The following LMF1 variants were observed in gnomAD, a reference collection of about 807,000 sequenced individuals.
LMF1 encodes transmembrane protein 112.
Under a neutral mutation model 60.6 loss-of-function variants are expected in LMF1, and 68 were observed. The ratio of observed to expected loss-of-function variants is 1.12; its 90% confidence interval spans 0.92 to 1.37. LMF1 has a LOEUF of 1.37. Ranked by LOEUF, LMF1 falls within the 40% of genes most tolerant of loss-of-function variation. The probability of loss-of-function intolerance (pLI) is 0.00; values close to 1 mark genes in which losing one functional copy is unlikely to be tolerated. For synonymous variants in LMF1, 418 were observed against 324.7 expected (o/e 1.29, Z -3.09); for missense variants, 948 against 767.2 (o/e 1.24, Z -2.78).
chr16:971,765 A>G (rs1190052790), upstream of LMF1, among the ~76,000 whole-genome samples: 2 of 152,226 alleles, frequency 1.3e-5, no homozygotes, highest in African/African-American at 4.8e-5. Context: ...GGCATTCCTT[A>G]GAGGAAAGAA....
At chr16:978,004 ACCACACACACACATCATACACACG>A (rs2073209781) in intron 1 of LMF1, among the ~76,000 whole-genome samples, 1 of 136,036 alleles carries the variant, frequency 7.4e-6, no homozygotes, top group Non-Finnish European at 1.6e-5. Context: ...ACACACACAC[ACCACACACACACATCATACACACG>A]CACACCACAC....
intron 3 of LMF1, among the ~76,000 whole-genome samples, chr16:917,489 G>A (rs569052812): frequency 6.2e-5 from 8 of 128,442 alleles, no homozygotes; most frequent in East Asian, 2.3e-4. Context: ...GCGGGCGGGC[G>A]CAGGCCCACG....
intron 3 of LMF1, among the ~76,000 whole-genome samples, chr16:927,259 C>T (rs1184112455): frequency 6.6e-6 from 1 of 152,214 alleles, no homozygotes; most frequent in African/African-American, 2.4e-5. Flanking sequence ...AAGTGGGCTT[C>T]CCTGTCCTTC....
intron 2 of LMF1, among the ~76,000 whole-genome samples, chr16:936,662 C>T (rs564972669): frequency 2.6e-5 from 4 of 152,310 alleles, no homozygotes; most frequent in African/African-American, 7.2e-5. Context: ...CCCCCCTTTC[C>T]GTGACCAAAA....
intron 10 of LMF1, among the ~76,000 whole-genome samples, chr16:862,450 G>A (rs1451918018): frequency 8.5e-5 from 13 of 152,090 alleles, no homozygotes; most frequent in African/African-American, 2.4e-5. Context: ...AGTCTATTTA[G>A]TAATATTTTG....
intron 4 of LMF1, among the ~76,000 whole-genome samples, chr16:910,134 G>C (rs887900876): frequency 6.6e-5 from 10 of 152,250 alleles, no homozygotes; most frequent in Non-Finnish European, 1.3e-4. Flanking sequence ...GCTCTGGTCA[G>C]TGTGGCAGAC....
chr16:952,308 A>C (rs1315182751), intron 2 of LMF1, among the ~76,000 whole-genome samples: 16 of 146,982 alleles, frequency 1.1e-4, no homozygotes, highest in South Asian at 4.3e-4. Flanking sequence ...CAAAGTGGGG[A>C]CCCCCCCCCA....
chr16:899,347 T>C (rs1373020639), intron 4 of LMF1: 2 of 152,026 alleles, frequency 1.3e-5, no homozygotes, highest in African/African-American at 4.8e-5. Context: ...CGTGCCGGAG[T>C]CAGAGGTCTG....
chr16:928,998 G>C (rs930433252), intron 3 of LMF1, among the ~76,000 whole-genome samples: 7 of 152,284 alleles, frequency 4.6e-5, no homozygotes, highest in African/African-American at 1.7e-4. Context: ...AGGAAGCCCT[G>C]CCCTGGCGCC....
At chr16:915,350 C>T (rs542497146) in intron 3 of LMF1, among the ~76,000 whole-genome samples, 19 of 152,174 alleles carry the variant, frequency 1.2e-4, no homozygotes, top group East Asian at 5.8e-4. Context: ...ATCCTCACAA[C>T]GGCCGGGGTC....
intron 2 of LMF1, among the ~76,000 whole-genome samples, chr16:936,329 A>G (rs1174446545): frequency 1.6e-5 from 2 of 124,496 alleles, no homozygotes. Context: ...TGGCTGGGAG[A>G]GAGAGGGGGC....
At chr16:868,732 GA>G (rs1386529713) in intron 10 of LMF1, among the ~76,000 whole-genome samples, 1 of 148,844 alleles carries the variant, frequency 6.7e-6, no homozygotes, top group Non-Finnish European at 1.5e-5. Context: ...GGTGGGCTAT[GA>G]GGCAGGGGTG....
chr16:900,854 C>G (rs1167250108), intron 4 of LMF1: 1 of 152,238 alleles, frequency 6.6e-6, no homozygotes, highest in African/African-American at 2.4e-5. Flanking sequence ...CTGCACCCGG[C>G]CAGACATCAC....
intron 5 of LMF1, among the ~76,000 whole-genome samples, chr16:885,560 A>G (rs28790387): frequency 0.14 from 21,290 of 152,130 alleles, 1,696 homozygotes; most frequent in East Asian, 0.28. Flanking sequence ...TACCATACAA[A>G]CACGAGCGAC....
intron 4 of LMF1, among the ~76,000 whole-genome samples, chr16:908,226 G>A (rs1368095432): frequency 6.6e-6 from 1 of 152,234 alleles, no homozygotes; most frequent in Non-Finnish European, 1.5e-5. Flanking sequence ...TGGAGACAAT[G>A]AAGAATTTCA....
In LMF1 at chr16:871,259, G is replaced by A; in HGVS notation, c.980C>T (p.Thr327Ile). 5 of 1,612,564 alleles carry A rather than the reference G, an allele frequency of 3.1e-6. No individual in the cohort carries two copies. The highest frequency in any genetic ancestry group is 4.2e-6 in the Non-Finnish European group (5 of 1,179,810). The part of the protein sequence containing the change: ...VPSLACFDDA[T>I]LGFLFPSGPG... ...CCCAGAGGGGAACAAGAATCCCAGG[G>A]TGGCGTCATCAAAGCAGGCCAGGCT... The change falls in exon 7 of 11, where the codon ACC (threonine) becomes ATC (isoleucine). Residue 327 changes from threonine (T) to isoleucine (I), a missense_variant. Coordinates refer to ENST00000262301, the MANE Select transcript of LMF1 (RefSeq NM_022773.4).
chr16:953,363 G>C (rs879381120), intron 2 of LMF1, among the ~76,000 whole-genome samples: 41 of 46,576 alleles, frequency 8.8e-4, no homozygotes, highest in South Asian at 1.7e-3. Context: ...ACACAGACAC[G>C]GACCCCAAAC....
At position 853,746 on chromosome 16, in the gene LMF1, T is replaced by G. The variant is rs902592823; in HGVS notation, c.*786A>C. ...GCAGTAGACGCTGTTTGTCCGACGA[T>G]GATGAAAGTGTGCACGGCCGGCTGT... On this transcript the variant is annotated 3_prime_UTR_variant, in exon 11 of 11. Transcript: ENST00000262301. 2.2e-6 allele frequency: 1 copy of G among 454,004 alleles called. No homozygotes were observed. The highest frequency in any genetic ancestry group is 1.6e-5 in the South Asian group (1 of 64,486). 28.1% of individuals were successfully genotyped at this position (454,004 alleles called of 1,614,324 possible).
At position 897,140 on chromosome 16, in the gene LMF1, G is replaced by A. The variant is rs147873786; in HGVS notation, c.664-4068C>T. 1.8e-4 allele frequency among the ~76,000 whole-genome samples: 28 copies of A among 152,302 alleles called. No individual in the cohort carries two copies. The East Asian group carries it at 4.4e-3, about 24-fold the overall frequency. The stretch of plus-strand genomic sequence containing the variant: ...ATCGACGATGTTCCCGCCTTGCAAC[G>A]TGTGGCTGCAGCAGCTCTTCTCCTG... On this transcript the variant is annotated intron_variant, in intron 4 of 10. Coordinates refer to ENST00000262301, the MANE Select transcript of LMF1 (RefSeq NM_022773.4). This position sits in a 1 kb window ranked among gnomAD's most constrained non-coding sequence, Gnocchi z 4.3.
Sources: allele counts gnomAD v4.1 joint callset (sites outside exome capture counted in the v4.1 genomes callset), GRCh38; gene constraint gnomAD v4.1.1; non-coding constraint Gnocchi (gnomAD v3.1); transcripts MANE v1.5; gene names NCBI Gene and HGNC (gene_info 2026-07-23, HGNC 2026-07-21).